TRAK1: variants seen among roughly 807,000 people sequenced by gnomAD.
The protein encoded by TRAK1 is trafficking kinesin-binding protein 1.
TRAK1 carries 33 observed loss-of-function variants against 92.1 expected under a neutral mutation model. The observed-to-expected ratio is 0.36, with a 90% CI of 0.27 to 0.48. TRAK1 has a LOEUF of 0.48. Ranked by LOEUF, TRAK1 falls within the 20% of genes least tolerant of loss-of-function variation. The pLI is 0.99. For synonymous variants in TRAK1, 521 were observed against 517.3 expected, an observed-to-expected ratio of 1.01 and a Z score of -0.10; for missense variants, 1,123 against 1,257.9, an observed-to-expected ratio of 0.89 and a Z score of 1.62.
At chr3:42,097,060 A>G (rs1280661033) in intron 1 of TRAK1, among the ~76,000 whole-genome samples, 4 of 152,172 alleles carry the variant, frequency 2.6e-5, no homozygotes, top group African/African-American at 9.7e-5. Context: ...CCTGCTTTGA[A>G]AGCTTTCTAC....
At chr3:42,174,918 T>C (rs968187476) in intron 2 of TRAK1, among the ~76,000 whole-genome samples, 1 of 151,948 alleles carries the variant, frequency 6.6e-6, no homozygotes, top group African/African-American at 2.4e-5. Context: ...CATGACTGAC[T>C]ATCTGAATAA....
At chr3:42,082,568 C>T (rs563650945), upstream of TRAK1, among the ~76,000 whole-genome samples, 1 of 151,996 alleles carries the variant, frequency 6.6e-6, no homozygotes, top group Non-Finnish European at 1.5e-5. Context: ...GCACTCCAGC[C>T]TGGGAGACAG....
intron 1 of TRAK1, among the ~76,000 whole-genome samples, chr3:42,116,570 A>G (rs1709190740): frequency 6.6e-6 from 1 of 152,254 alleles, no homozygotes; most frequent in Non-Finnish European, 1.5e-5. Context: ...AATTGTTTCC[A>G]AGTCTGTACA....
rs567968144 is a variant in TRAK1 at position 42,183,331 on chromosome 3, G to A, written c.364-1354G>A. Among the ~76,000 whole-genome samples, 3 of 152,106 alleles carry A rather than the reference G, an allele frequency of 2.0e-5. No homozygotes were observed. The Middle Eastern group carries it at 0.01, about 517-fold the overall frequency. ...AGCATTTTGGGAGGTCGAGGAGGGC[G>A]AATCACCTGAGATCAGGAGTTTGAG... On this transcript the variant is annotated intron_variant, in intron 3 of 15. Coordinates refer to ENST00000327628, the MANE Select transcript of TRAK1 (RefSeq NM_001042646.3).
At chr3:42,096,609 A>G (rs765699110) in intron 1 of TRAK1, among the ~76,000 whole-genome samples, 1 of 152,236 alleles carries the variant, frequency 6.6e-6, no homozygotes, top group Non-Finnish European at 1.5e-5. Context: ...TAAAGGAGAA[A>G]CTAAAGAAAA....
At chr3:42,213,936 G>C (rs761263077) in intron 14 of TRAK1, among the ~76,000 whole-genome samples, 32 of 152,156 alleles carry the variant, frequency 2.1e-4, no homozygotes, top group Non-Finnish European at 4.4e-4. Context: ...CCTGTATTAG[G>C]AGATGCTAAG....
chr3:42,181,953 T>A (rs1704055488), intron 3 of TRAK1, among the ~76,000 whole-genome samples: 2 of 146,356 alleles, frequency 1.4e-5, no homozygotes, highest in South Asian at 4.4e-4. Context: ...TGAAATAAGG[T>A]ACCTTTTTTT....
intron 1 of TRAK1, among the ~76,000 whole-genome samples, chr3:42,076,712 A>T (rs1482472255): frequency 1.3e-5 from 2 of 152,212 alleles, no homozygotes; most frequent in African/African-American, 4.8e-5. Flanking sequence ...GCCAGGGCTC[A>T]TGTCTAGAAT....
chr3:42,137,661 T>C (rs1003847772), intron 2 of TRAK1, among the ~76,000 whole-genome samples: 2 of 152,194 alleles, frequency 1.3e-5, no homozygotes, highest in East Asian at 1.9e-4. Flanking sequence ...TTGTGGAGTT[T>C]AGCTAGAATT....
chr3:42,187,991 G>C, intron 4 of TRAK1, 54 bp from the exon 5 acceptor site: 1 of 1,463,354 alleles, frequency 6.8e-7, no homozygotes, highest in South Asian at 1.1e-5. Flanking sequence ...GTGAGTCGGG[G>C]GGGACAGTAT....
At chr3:42,215,722 A>AT (rs1391525371) in intron 14 of TRAK1, among the ~76,000 whole-genome samples, 5 of 152,204 alleles carry the variant, frequency 3.3e-5, no homozygotes, top group South Asian at 2.1e-4. Context: ...CTTTTCCAAG[A>AT]TTTTGAGATG....
chr3:42,124,141 A>G (rs1028736432), intron 1 of TRAK1, among the ~76,000 whole-genome samples: 22 of 151,932 alleles, frequency 1.4e-4, no homozygotes, highest in African/African-American at 4.8e-4. Flanking sequence ...CTGTCTTAAA[A>G]AAAAAAAAAA....
chr3:42,070,726 G>A (rs1267153590), intron 1 of TRAK1, among the ~76,000 whole-genome samples: 1 of 152,184 alleles, frequency 6.6e-6, no homozygotes, highest in Non-Finnish European at 1.5e-5. Context: ...ACCATGCCCA[G>A]CACTGAATTG....
intron 1 of TRAK1, among the ~76,000 whole-genome samples, chr3:42,056,110 T>G (rs1335145724): frequency 6.6e-6 from 1 of 152,252 alleles, no homozygotes; most frequent in African/African-American, 2.4e-5. Flanking sequence ...TTATTTCCAC[T>G]TTTTGGCTAT....
At chr3:42,044,681 T>G (rs1702686610) in intron 1 of TRAK1, among the ~76,000 whole-genome samples, 1 of 152,178 alleles carries the variant, frequency 6.6e-6, no homozygotes, top group Non-Finnish European at 1.5e-5. Context: ...TGTGGGAGCC[T>G]CCTCCATCTG....
intron 1 of TRAK1, among the ~76,000 whole-genome samples, chr3:42,046,625 A>T (rs1011110026): frequency 6.6e-6 from 1 of 152,188 alleles, no homozygotes; most frequent in Admixed American, 6.5e-5. Context: ...TGGAATTAAG[A>T]GGATGTCTAC....
chr3:42,125,437 G>T lies in TRAK1; in HGVS notation c.109G>T (p.Asp37Tyr), dbSNP rs766699958. 1.7e-5 allele frequency: 28 copies of T among 1,614,000 alleles called. No homozygotes were observed. The highest frequency in any genetic ancestry group is 2.0e-5 in the Non-Finnish European group (24 of 1,180,020). Reference sequence around the variant, plus strand: ...GTCTTTAGATGTGTGCAACAGCACCGATCTTCCGGAAGTCGAGATCATTAG... The same window carrying T: ...GTCTTTAGATGTGTGCAACAGCACCTATCTTCCGGAAGTCGAGATCATTAG... Reference protein sequence around the residue: ...TNACDVCNSTDLPEVEIISLL... With the variant: ...TNACDVCNSTYLPEVEIISLL... The change falls in exon 2 of 16, where the codon GAT (aspartate) becomes TAT (tyrosine). Residue 37 changes from aspartate (D) to tyrosine (Y), a missense_variant. Physicochemically the swap from Asp to Tyr is radical, Grantham distance 160. This residue lies in a region of TRAK1 where 686 missense variants were observed against 747.6 expected (regional missense o/e 0.92). Coordinates refer to ENST00000327628, the MANE Select transcript of TRAK1 (RefSeq NM_001042646.3).
At chr3:42,075,365 A>AT (rs1704107375) in intron 1 of TRAK1, among the ~76,000 whole-genome samples, 1 of 142,228 alleles carries the variant, frequency 7.0e-6, no homozygotes, top group African/African-American at 2.6e-5. Context: ...AAAAAAAAAA[A>AT]AGAATGAGGT....
chr3:42,154,602 T>A (rs141848413), intron 2 of TRAK1, among the ~76,000 whole-genome samples: 2,105 of 152,222 alleles, frequency 0.014, 42 homozygotes, highest in African/African-American at 0.043. Flanking sequence ...CCTCATTTTT[T>A]AATTTTTTTG....
Sources: gnomAD v4.1 joint callset for allele counts (sites outside exome capture counted in the v4.1 genomes callset) on GRCh38, gnomAD v4.1.1 for gene constraint, gnomAD v4.1.1 regional missense constraint, MANE v1.5 for transcripts, NCBI Gene and HGNC (gene_info 2026-07-23, HGNC 2026-07-21) for gene names.